MOV10L1: variants seen among roughly 807,000 people sequenced by gnomAD.
The protein encoded by MOV10L1 is RNA helicase Mov10l1.
In MOV10L1, 110 loss-of-function variants were observed where a neutral mutation model predicts 143.8. That is an observed-to-expected ratio of 0.76 (90% CI 0.66 to 0.90). MOV10L1 has a LOEUF of 0.90. Among genes scored for constraint, MOV10L1 ranks in the 40% least tolerant of loss-of-function variants. The probability of loss-of-function intolerance (pLI) is 0.00; values close to 1 mark genes in which losing one functional copy is unlikely to be tolerated. For synonymous variants in MOV10L1, 593 were observed against 581.1 expected (o/e 1.02, Z -0.29); for missense variants, 1,406 against 1,526.8 (o/e 0.92, Z 1.32).
chr22:50,139,412 GA>G (rs1244172995), intron 15 of MOV10L1, among the ~76,000 whole-genome samples: 2 of 151,916 alleles, frequency 1.3e-5, no homozygotes, highest in Non-Finnish European at 2.9e-5. Flanking sequence ...TTTTGCTGCT[GA>G]AAAGACATTG....
chr22:50,138,569 A>G (rs1476308512), intron 15 of MOV10L1, among the ~76,000 whole-genome samples: 3 of 151,976 alleles, frequency 2.0e-5, no homozygotes, highest in Admixed American at 1.3e-4. Flanking sequence ...AAAAAAAAAA[A>G]TAGAAAAGAA....
intron 19 of MOV10L1, among the ~76,000 whole-genome samples, chr22:50,146,319 G>A (rs558450597): frequency 1.3e-5 from 2 of 152,218 alleles, no homozygotes; most frequent in East Asian, 3.9e-4. Context: ...TGTGTCCCTG[G>A]CGCTGGGGGC....
intron 3 of MOV10L1, among the ~76,000 whole-genome samples, chr22:50,103,445 T>A (rs951452309): frequency 2.0e-5 from 3 of 152,142 alleles, no homozygotes; most frequent in Non-Finnish European, 4.4e-5. Flanking sequence ...CGCTCCAACA[T>A]CTAGGCTGAA....
intron 1 of MOV10L1, 63 bp from the exon 2 acceptor site, chr22:50,091,938 G>C: frequency 4.0e-6 from 6 of 1,498,928 alleles, no homozygotes; most frequent in Non-Finnish European, 5.4e-6. Context: ...TTCTCTGGTG[G>C]GGTTCACTGT....
At chr22:50,135,403 A>C (rs2062796606) in intron 15 of MOV10L1, among the ~76,000 whole-genome samples, 1 of 152,114 alleles carries the variant, frequency 6.6e-6, no homozygotes, top group Non-Finnish European at 1.5e-5. Context: ...GGAAGGATAC[A>C]CACCCCGCAA....
chr22:50,156,874 T>C (rs1323887245), intron 22 of MOV10L1, among the ~76,000 whole-genome samples: 1 of 152,238 alleles, frequency 6.6e-6, no homozygotes, highest in African/African-American at 2.4e-5. Context: ...TCGTCATGGG[T>C]ACATACCCGG....
chr22:50,104,228 G>A (rs1424232100), intron 3 of MOV10L1, among the ~76,000 whole-genome samples: 1 of 152,224 alleles, frequency 6.6e-6, no homozygotes, highest in Admixed American at 6.5e-5. Flanking sequence ...AAATATAGAT[G>A]AAACTTTGCT....
Position 50,160,957 on chromosome 22 carries a change from C to A in MOV10L1, c.3463-7C>A. 1 of 1,614,060 alleles carries A rather than the reference C, an allele frequency of 6.2e-7. No individual in the cohort carries two copies. Among genetic ancestry groups the A allele is most frequent in the Non-Finnish European group, 8.5e-7 (1 of 1,179,944 alleles). On this transcript the variant is annotated splice_region_variant and splice_polypyrimidine_tract_variant and intron_variant, in intron 25 of 26. Transcript: ENST00000262794. ...TCTCACACCAGGCTAATTGTTATTG[C>A]CAACAGGACCCCTGTTTTGGTGCTT...
Position 50,114,250 on chromosome 22 carries a change from G to A in MOV10L1, c.885-131G>A, listed in dbSNP as rs527597087. 62 of 1,148,774 alleles carry A rather than the reference G, an allele frequency of 5.4e-5. 2 individuals carry two copies. The South Asian group carries it at 9.7e-4, about 18-fold the overall frequency. The allele number at this position is 1,148,774 out of a possible 1,614,324, so 71.2% of individuals were successfully genotyped here. A position where few individuals can be genotyped will look rare whatever the true frequency, so the allele number is the denominator to read the frequency against. The stretch of plus-strand genomic sequence containing the variant: ...TTTTCAAAATTTTTTACCCAAAAAT[G>A]ACCTTTTGACTTATATTCATAAGTG... On this transcript the variant is annotated intron_variant, in intron 6 of 26. Coordinates refer to ENST00000262794, the MANE Select transcript of MOV10L1 (RefSeq NM_018995.3).
intron 12 of MOV10L1, among the ~76,000 whole-genome samples, chr22:50,127,352 C>T (rs2062538757): frequency 6.6e-6 from 1 of 152,198 alleles, no homozygotes; most frequent in Non-Finnish European, 1.5e-5. Flanking sequence ...TCCTTTTTAG[C>T]TCCAAAAATT....
At chr22:50,123,713 A>T (rs2062417008) in intron 10 of MOV10L1, among the ~76,000 whole-genome samples, 1 of 152,206 alleles carries the variant, frequency 6.6e-6, no homozygotes, top group African/African-American at 2.4e-5. Context: ...TTTTTTGGAA[A>T]AGTTTGAGAA....
Position 50,159,737 on chromosome 22 carries a change from A to G in MOV10L1, c.3276A>G (p.Ser1092=). The G allele has an allele frequency of 6.2e-7, 1 of 1,613,636 alleles. No individual in the cohort carries two copies. The highest frequency in any genetic ancestry group is 8.5e-7 in the Non-Finnish European group (1 of 1,179,714). The change falls in exon 24 of 27, where the codon TCA becomes TCG. Residue 1092 remains serine (S), a synonymous_variant. Coordinates refer to ENST00000262794, the MANE Select transcript of MOV10L1 (RefSeq NM_018995.3). This position sits in a 1 kb window ranked among gnomAD's most constrained non-coding sequence, Gnocchi z 4.1. ...NVDLMDIKVG[S]VEEFQGQEYL... ...ATCTGATGGATATAAAGGTTGGATC[A>G]GTAGAGGAGTTTCAAGGACAAGAGT...
In MOV10L1 at chr22:50,130,360, T is replaced by A. The variant is rs562631178; in HGVS notation, c.1910+1853T>A. On this transcript the variant is annotated intron_variant, in intron 13 of 26. Coordinates refer to ENST00000262794, the MANE Select transcript of MOV10L1 (RefSeq NM_018995.3). ...TTTTAATATAGTCAAATTTATCAAA[T>A]TTTTTTTAATATTAGTGCTTTTTAT... is the stretch of plus-strand genomic sequence containing the variant. Among the ~76,000 whole-genome samples the A allele has an allele frequency of 7.8e-3, 1,181 of 152,162 alleles. 4 individuals are homozygous for A. Among genetic ancestry groups the A allele is most frequent in the Middle Eastern group, 0.014 (4 of 294 alleles).
chr22:50,108,090 C>CACTTTA, intron 3 of MOV10L1, 46 bp from the exon 4 acceptor site: 1 of 1,544,748 alleles, frequency 6.5e-7, no homozygotes, highest in Non-Finnish European at 8.9e-7. Flanking sequence ...CTCAGAATAA[C>CACTTTA]TTGTGCACTT....
intron 2 of MOV10L1, chr22:50,094,122 T>A (rs74849845): frequency 0.074 from 11,312 of 152,276 alleles, 501 homozygotes; most frequent in South Asian, 0.17. Flanking sequence ...TGGAATCTTG[T>A]TTCTCCCCCT....
chr22:50,144,371 G>A (rs1043385738), intron 18 of MOV10L1, 128 bp downstream of exon 18: 60 of 1,211,290 alleles, frequency 5.0e-5, no homozygotes, highest in Non-Finnish European at 6.2e-5. Context: ...CTGTGTTTGA[G>A]AAATGGCTCT....
intron 22 of MOV10L1, among the ~76,000 whole-genome samples, chr22:50,154,424 T>C (rs2063374931): frequency 6.6e-6 from 1 of 151,678 alleles, no homozygotes; most frequent in African/African-American, 2.4e-5. Context: ...TTAAATTAGC[T>C]GAGCATGGTG....
At position 50,157,024 on chromosome 22, in the gene MOV10L1, C is replaced by T. The variant is rs147655154; in HGVS notation, c.3067-1033C>T. 9.1e-3 allele frequency among the ~76,000 whole-genome samples: 1,388 copies of T among 152,242 alleles called. 19 individuals are homozygous for T. Among genetic ancestry groups the T allele is most frequent in the East Asian group, 0.038 (195 of 5,186 alleles). On this transcript the variant is annotated intron_variant, in intron 22 of 26. Transcript: ENST00000262794. Reference sequence around the variant, plus strand: ...CCACATCCTCACCACCACTTATTTTCTGGGTTGTTTTATAGTAGCCATCTT... The same window carrying T: ...CCACATCCTCACCACCACTTATTTTTTGGGTTGTTTTATAGTAGCCATCTT...
At chr22:50,097,057 G>A (rs533407163) in intron 2 of MOV10L1, among the ~76,000 whole-genome samples, 6 of 152,138 alleles carry the variant, frequency 3.9e-5, no homozygotes, top group Non-Finnish European at 7.4e-5. Flanking sequence ...AGATTATGAA[G>A]ATTTTTTTCT....
Sources: gnomAD v4.1 joint callset for allele counts (sites outside exome capture counted in the v4.1 genomes callset) on GRCh38, gnomAD v4.1.1 for gene constraint, Gnocchi (gnomAD v3.1) non-coding constraint, MANE v1.5 for transcripts, NCBI Gene and HGNC (gene_info 2026-07-23, HGNC 2026-07-21) for gene names.